OR1A2: variants seen among roughly 807,000 people sequenced by gnomAD.
OR1A2 encodes the protein olfactory receptor family 1 subfamily A member 2, also known as olfactory receptor 1A2.
For synonymous variants in OR1A2, 131 were observed against 140.0 expected, an observed-to-expected ratio of 0.94 and a Z score of 0.46; for missense variants, 354 against 372.8, an observed-to-expected ratio of 0.95 and a Z score of 0.42.
Position 3,197,672 on chromosome 17 carries a change from G to C in OR1A2, c.154G>C (p.Asp52His). ...NLLIILAICA[D>H]IRLHNPMYFL... is the part of the protein sequence containing the mutation. ...GCTCATCATCTTGGCCATCTGTGCT[G>C]ACATTCGCCTTCACAACCCCATGTA... The change falls in exon 1 of 1, where the codon GAC (aspartate) becomes CAC (histidine). Residue 52 changes from aspartate to histidine, a missense_variant. Coordinates refer to ENST00000381951, the MANE Select transcript of OR1A2 (RefSeq NM_012352.3). 1.2e-6 allele frequency: 2 copies of C among 1,601,540 alleles called. No individual in the cohort carries two copies. The highest frequency in any genetic ancestry group is 1.7e-6 in the Non-Finnish European group (2 of 1,174,482).
chr17:3,197,617 C>G lies in OR1A2; in HGVS notation c.99C>G (p.Cys33Trp). The G allele has an allele frequency of 6.2e-7, 1 of 1,611,600 alleles. No individual in the cohort carries two copies. Among genetic ancestry groups the G allele is most frequent in the Non-Finnish European group, 8.5e-7 (1 of 1,178,394 alleles). ...QNNVFFVIFL[C>W]IYPITLTGNL... ...ATGTCTTCTTTGTGATTTTTTTGTG[C>G]ATTTACCCCATCACACTGACTGGAA... The change falls in exon 1 of 1, where the codon TGC becomes TGG. Residue 33 changes from cysteine to tryptophan, a missense_variant. Coordinates refer to ENST00000381951, the MANE Select transcript of OR1A2 (RefSeq NM_012352.3).
In OR1A2 at chr17:3,198,291, A is replaced by G; in HGVS notation, c.773A>G (p.Tyr258Cys). The G allele has an allele frequency of 6.2e-7, 1 of 1,614,116 alleles. No homozygotes were observed. The highest frequency in any genetic ancestry group is 8.5e-7 in the Non-Finnish European group (1 of 1,180,036). Reference sequence around the variant, plus strand: ...TATTATGGTACAACGATGGGCATGTATTTCCGCCCTCTGACCAGTTACAGC... The same window carrying G: ...TATTATGGTACAACGATGGGCATGTGTTTCCGCCCTCTGACCAGTTACAGC... ...FLYYGTTMGM[Y>C]FRPLTSYSPK... is the part of the protein sequence containing the mutation. Residue 258 changes from tyrosine (Y) to cysteine (C), a missense_variant, in exon 1 of 1, where the codon TAT becomes TGT. Physicochemically the swap from Tyr to Cys is radical, Grantham distance 194. Transcript: ENST00000381951.
At position 3,197,729 on chromosome 17, in the gene OR1A2, A is replaced by G. The variant is rs759389132; in HGVS notation, c.211A>G (p.Ile71Val). ...CCTTGCCAACCTCTCCTTGGTTGAC[A>G]TCATCTTCTCATCCGTAACCATCCC... Reference protein sequence around the residue: ...FLLANLSLVDIIFSSVTIPKV... With the variant: ...FLLANLSLVDVIFSSVTIPKV... Residue 71 changes from isoleucine to valine, a missense_variant, in exon 1 of 1, where the codon ATC (isoleucine) becomes GTC (valine). Ile to Val is a conservative substitution (Grantham distance 29). Coordinates refer to ENST00000381951, the MANE Select transcript of OR1A2 (RefSeq NM_012352.3). 11 of 1,586,292 alleles carry G rather than the reference A, an allele frequency of 6.9e-6. No individual in the cohort carries two copies. Among genetic ancestry groups the G allele is most frequent in the Non-Finnish European group, 8.6e-6 (10 of 1,165,982 alleles).
rs770591576 is a variant in OR1A2 at position 3,198,336 on chromosome 17, C to A, written c.818C>A (p.Thr273Asn). Residue 273 changes from threonine to asparagine, a missense_variant, in exon 1 of 1, where the codon ACT becomes AAT. Transcript: ENST00000381951. ...TACAGCCCCAAAGATGCAGTGATAA[C>A]TGTGATGTATGTGGCAGTGACCCCA... ...TSYSPKDAVITVMYVAVTPAL... is the reference protein window; with the variant it reads ...TSYSPKDAVINVMYVAVTPAL... 2.5e-6 allele frequency: 4 copies of A among 1,613,812 alleles called. No homozygotes were observed. In the East Asian group the frequency reaches 8.9e-5, roughly 36 times the overall value.
rs1567521414 is a variant in OR1A2 at position 3,197,944 on chromosome 17, C to T, written c.426C>T (p.Ile142=). The T allele has an allele frequency of 1.2e-6, 2 of 1,614,146 alleles. No homozygotes were observed. The highest frequency in any genetic ancestry group is 1.3e-5 in the African/African-American group (1 of 75,048). ...CAATTATGAGTCCACGGTCTTGTAT[C>T]CTGCTTATTGCTGGGTCTTGGGTGA... ...YTTIMSPRSC[I]LLIAGSWVIG... is the part of the protein sequence containing the mutation. Residue 142 remains isoleucine, a synonymous_variant, in exon 1 of 1, where the codon ATC becomes ATT. Transcript: ENST00000381951.
chr17:3,197,775 T>C lies in OR1A2; in HGVS notation c.257T>C (p.Leu86Pro). The C allele has an allele frequency of 6.3e-7, 1 of 1,598,942 alleles. No homozygotes were observed. Residue 86 changes from leucine (L) to proline (P), a missense_variant, in exon 1 of 1, where the codon CTC becomes CCC. Transcript: ENST00000381951. ...ATCCCTAAGGTGCTGGCCAACCATC[T>C]CTTGGGGAGCAAGTTCATCTCCTTT... ...VTIPKVLANH[L>P]LGSKFISFGG...
At position 3,197,972 on chromosome 17, in the gene OR1A2, G is replaced by A; in HGVS notation, c.454G>A (p.Gly152Arg). The A allele has an allele frequency of 1.2e-6, 2 of 1,613,980 alleles. No individual in the cohort carries two copies. The highest frequency in any genetic ancestry group is 1.7e-6 in the Non-Finnish European group (2 of 1,179,960). Residue 152 changes from glycine (G) to arginine (R), a missense_variant, in exon 1 of 1, where the codon GGA becomes AGA. Physicochemically the swap from Gly to Arg is moderately radical, Grantham distance 125 (BLOSUM62 -2). Transcript: ENST00000381951. ...GCTTATTGCTGGGTCTTGGGTGATTGGAAACACCAGTGCTCTCCCCCACAC... is the reference window on the plus strand; with the variant it reads ...GCTTATTGCTGGGTCTTGGGTGATTAGAAACACCAGTGCTCTCCCCCACAC... ...ILLIAGSWVI[G>R]NTSALPHTLL...
chr17:3,198,378 T>C lies in OR1A2; in HGVS notation c.860T>C (p.Ile287Thr), dbSNP rs758517993. Residue 287 changes from isoleucine (I) to threonine (T), a missense_variant, in exon 1 of 1, where the codon ATC (isoleucine) becomes ACC (threonine). By Grantham distance (89) the Ile-to-Thr change is moderately conservative. Transcript: ENST00000381951. ...VAVTPALNPF[I>T]YSLRNWDMKA... ...GTGACCCCAGCATTAAATCCTTTCA[T>C]CTATAGTCTGAGAAATTGGGATATG... 8 of 1,614,124 alleles carry C rather than the reference T, an allele frequency of 5.0e-6. No homozygotes were observed. The highest frequency in any genetic ancestry group is 1.6e-4 in the Middle Eastern group (1 of 6,062).
At position 3,197,799 on chromosome 17, in the gene OR1A2, T is replaced by C. The variant is rs1274257068; in HGVS notation, c.281T>C (p.Phe94Ser). Residue 94 changes from phenylalanine (F) to serine (S), a missense_variant, in exon 1 of 1, where the codon TTT becomes TCT. Physicochemically the swap from Phe to Ser is radical, Grantham distance 155 (BLOSUM62 -2). Transcript: ENST00000381951. Reference protein sequence around the residue: ...NHLLGSKFISFGGCLMQMYFM... With the variant: ...NHLLGSKFISSGGCLMQMYFM... ...CTCTTGGGGAGCAAGTTCATCTCCT[T>C]TGGGGGATGCCTAATGCAGATGTAT... 5 of 1,606,802 alleles carry C rather than the reference T, an allele frequency of 3.1e-6. No homozygotes were observed. Among genetic ancestry groups the C allele is most frequent in the Non-Finnish European group, 4.3e-6 (5 of 1,175,914 alleles).
In OR1A2 at chr17:3,198,406, G is replaced by A. The variant is rs1393986772; in HGVS notation, c.888G>A (p.Lys296=). ...FIYSLRNWDM[K]AALQKLFSKR... is the part of the protein sequence containing the mutation. ...ATAGTCTGAGAAATTGGGATATGAA[G>A]GCAGCCCTACAGAAACTCTTCAGCA... Residue 296 remains lysine, a synonymous_variant, in exon 1 of 1, where the codon AAG becomes AAA. Transcript: ENST00000381951. The A allele has an allele frequency of 1.2e-6, 2 of 1,614,070 alleles. No homozygotes were observed. Among genetic ancestry groups the A allele is most frequent in the South Asian group, 2.2e-5 (2 of 91,056 alleles).
chr17:3,198,442 C>T lies in OR1A2; in HGVS notation c.924C>T (p.Ser308=). The T allele has an allele frequency of 6.2e-7, 1 of 1,611,472 alleles. No individual in the cohort carries two copies. The highest frequency in any genetic ancestry group is 1.1e-5 in the South Asian group (1 of 90,964). ...ALQKLFSKRI[S]S is the part of the protein sequence containing the mutation. ...AGAAACTCTTCAGCAAGAGAATCTC[C>T]TCATAGCCGCTGTGAGATTACACGC... Residue 308 remains serine (S), a synonymous_variant, in exon 1 of 1, where the codon TCC becomes TCT. Transcript: ENST00000381951.
rs759056191 is a variant in OR1A2 at position 3,198,425 on chromosome 17, T to C, written c.907T>C (p.Phe303Leu). 1.2e-6 allele frequency: 2 copies of C among 1,613,748 alleles called. No homozygotes were observed. The highest frequency in any genetic ancestry group is 3.3e-5 in the Admixed American group (2 of 60,004). Residue 303 changes from phenylalanine (F) to leucine (L), a missense_variant, in exon 1 of 1, where the codon TTC (phenylalanine) becomes CTC (leucine). Phe to Leu is a conservative substitution (Grantham distance 22, BLOSUM62 0). Coordinates refer to ENST00000381951, the MANE Select transcript of OR1A2 (RefSeq NM_012352.3). ...TATGAAGGCAGCCCTACAGAAACTC[T>C]TCAGCAAGAGAATCTCCTCATAGCC... ...WDMKAALQKL[F>L]SKRISS
Position 3,197,890 on chromosome 17 carries a change from G to A in OR1A2, c.372G>A (p.Val124=). 6.2e-7 allele frequency: 1 copy of A among 1,613,652 alleles called. No homozygotes were observed. The highest frequency in any genetic ancestry group is 1.3e-5 in the African/African-American group (1 of 75,008). Reference sequence around the variant, plus strand: ...CTGCAATGGCATACGATCGAGCTGTGGCCATCAGCTGCCCACTTCATTACA... The same window carrying A: ...CTGCAATGGCATACGATCGAGCTGTAGCCATCAGCTGCCCACTTCATTACA... The part of the protein sequence containing the change: ...TLAAMAYDRA[V]AISCPLHYTT... Residue 124 remains valine (V), a synonymous_variant, in exon 1 of 1, where the codon GTG becomes GTA. Coordinates refer to ENST00000381951, the MANE Select transcript of OR1A2 (RefSeq NM_012352.3).
In OR1A2 at chr17:3,197,961, C is replaced by G. The variant is rs371131485; in HGVS notation, c.443C>G (p.Ser148Cys). Residue 148 changes from serine (S) to cysteine (C), a missense_variant, in exon 1 of 1, where the codon TCT (serine) becomes TGT (cysteine). Ser to Cys is a moderately radical substitution (Grantham distance 112). Coordinates refer to ENST00000381951, the MANE Select transcript of OR1A2 (RefSeq NM_012352.3). ...PRSCILLIAG[S>C]WVIGNTSALP... ...TCTTGTATCCTGCTTATTGCTGGGTCTTGGGTGATTGGAAACACCAGTGCT... is the reference window on the plus strand; with the variant it reads ...TCTTGTATCCTGCTTATTGCTGGGTGTTGGGTGATTGGAAACACCAGTGCT... 8.7e-6 allele frequency: 14 copies of G among 1,613,982 alleles called. No homozygotes were observed. The African/African-American group carries it at 1.6e-4, about 18-fold the overall frequency.
Position 3,197,652 on chromosome 17 carries a change from T to A in OR1A2, c.134T>A (p.Ile45Asn). Residue 45 changes from isoleucine (I) to asparagine (N), a missense_variant, in exon 1 of 1, where the codon ATC becomes AAC. Ile to Asn is a moderately radical substitution (Grantham distance 149). Transcript: ENST00000381951. The part of the protein sequence containing the change: ...YPITLTGNLL[I>N]ILAICADIRL... ...ATCACACTGACTGGAAATCTGCTCA[T>A]CATCTTGGCCATCTGTGCTGACATT... is the stretch of plus-strand genomic sequence containing the variant. The A allele has an allele frequency of 6.2e-7, 1 of 1,602,206 alleles. No individual in the cohort carries two copies. Among genetic ancestry groups the A allele is most frequent in the Non-Finnish European group, 8.5e-7 (1 of 1,177,028 alleles).
Position 3,198,445 on chromosome 17 carries a change from A to G in OR1A2, c.927A>G (p.Ser309=). 2 of 1,611,120 alleles carry G rather than the reference A, an allele frequency of 1.2e-6. No individual in the cohort carries two copies. The highest frequency in any genetic ancestry group is 2.2e-5 in the East Asian group (1 of 44,866). The change falls in exon 1 of 1, where the codon TCA becomes TCG. Residue 309 remains serine, a synonymous_variant. Coordinates refer to ENST00000381951, the MANE Select transcript of OR1A2 (RefSeq NM_012352.3). ...LQKLFSKRIS[S] ...AACTCTTCAGCAAGAGAATCTCCTC[A>G]TAGCCGCTGTGAGATTACACGCTGG...
Position 3,197,993 on chromosome 17 carries a change from C to A in OR1A2, c.475C>A (p.His159Asn). Residue 159 changes from histidine to asparagine, a missense_variant, in exon 1 of 1, where the codon CAC becomes AAC. By Grantham distance (68) the His-to-Asn change is moderately conservative. Transcript: ENST00000381951. Reference sequence around the variant, plus strand: ...GATTGGAAACACCAGTGCTCTCCCCCACACTCTGCTCACAGCTAGTTTGTC... The same window carrying A: ...GATTGGAAACACCAGTGCTCTCCCCAACACTCTGCTCACAGCTAGTTTGTC... ...WVIGNTSALP[H>N]TLLTASLSFC... 2.5e-6 allele frequency: 4 copies of A among 1,613,720 alleles called. No individual in the cohort carries two copies. Among genetic ancestry groups the A allele is most frequent in the Non-Finnish European group, 1.7e-6 (2 of 1,179,782 alleles).
chr17:3,197,932 A>G lies in OR1A2; in HGVS notation c.414A>G (p.Pro138=). ...CPLHYTTIMS[P]RSCILLIAGS... ...TTCATTACACAACAATTATGAGTCC[A>G]CGGTCTTGTATCCTGCTTATTGCTG... is the stretch of plus-strand genomic sequence containing the variant. The change falls in exon 1 of 1, where the codon CCA becomes CCG. Residue 138 remains proline, a synonymous_variant. Transcript: ENST00000381951. 1 of 1,614,088 alleles carries G rather than the reference A, an allele frequency of 6.2e-7. No individual in the cohort carries two copies.
Position 3,197,983 on chromosome 17 carries a change from T to G in OR1A2, c.465T>G (p.Ser155Arg). ...GGTCTTGGGTGATTGGAAACACCAG[T>G]GCTCTCCCCCACACTCTGCTCACAG... Reference protein sequence around the residue: ...IAGSWVIGNTSALPHTLLTAS... With the variant: ...IAGSWVIGNTRALPHTLLTAS... Residue 155 changes from serine (S) to arginine (R), a missense_variant, in exon 1 of 1, where the codon AGT (serine) becomes AGG (arginine). Transcript: ENST00000381951. 6.2e-7 allele frequency: 1 copy of G among 1,613,960 alleles called. No individual in the cohort carries two copies. The highest frequency in any genetic ancestry group is 8.5e-7 in the Non-Finnish European group (1 of 1,179,914).
Sources: gnomAD v4.1 joint callset for allele counts on GRCh38, gnomAD v4.1.1 for gene constraint, MANE v1.5 for transcripts, NCBI Gene and HGNC (gene_info 2026-07-23, HGNC 2026-07-21) for gene names.